The following PTPRT variants were observed in gnomAD, a reference collection of about 807,000 sequenced individuals.
The protein encoded by PTPRT is receptor-type tyrosine-protein phosphatase T.
PTPRT carries 56 observed loss-of-function variants against 176.8 expected under a neutral mutation model. The observed-to-expected ratio is 0.32, with a 90% CI of 0.26 to 0.40. PTPRT has a LOEUF of 0.40. Among genes scored for constraint, PTPRT ranks in the 10% least tolerant of loss-of-function variants. The pLI is 1.00. For missense variants in PTPRT, 1,540 were observed against 1,908.2 expected, an observed-to-expected ratio of 0.81 and a Z score of 3.60; for synonymous variants, 783 against 739.0, an observed-to-expected ratio of 1.06 and a Z score of -0.96.
intron 8 of PTPRT, among the ~76,000 whole-genome samples, chr20:42,453,400 A>C (rs2145868135): frequency 7.1e-6 from 1 of 141,446 alleles, no homozygotes; most frequent in South Asian, 2.3e-4. Flanking sequence ...TATTGTTCAT[A>C]TTGTTTTTGT....
chr20:43,114,796 A>G (rs1388902845), intron 1 of PTPRT, among the ~76,000 whole-genome samples: 1 of 152,172 alleles, frequency 6.6e-6, no homozygotes, highest in East Asian at 1.9e-4. Context: ...TAAAATCCTA[A>G]TAATTCACTA....
chr20:43,124,877 G>A (rs1400886050), intron 1 of PTPRT, among the ~76,000 whole-genome samples: 3 of 152,194 alleles, frequency 2.0e-5, no homozygotes, highest in Admixed American at 6.5e-5. Flanking sequence ...AGACTGGAGT[G>A]TTAGAAAGTC....
At chr20:43,133,747 CAAA>C (rs11366438) in intron 1 of PTPRT, among the ~76,000 whole-genome samples, 49 of 124,852 alleles carry the variant, frequency 3.9e-4, no homozygotes, top group East Asian at 1.6e-3. Context: ...GACTCTGTCT[CAAA>C]AAAAAAAAAA....
the PTPRT span, among the ~76,000 whole-genome samples, chr20:42,063,065 A>G: frequency 2.6e-5 from 4 of 152,222 alleles, no homozygotes; most frequent in Admixed American, 2.0e-4. Context: ...TTGCGTTTCA[A>G]GAGACCTGGA....
At chr20:43,106,315 G>T (rs2146333504) in intron 1 of PTPRT, among the ~76,000 whole-genome samples, 1 of 152,028 alleles carries the variant, frequency 6.6e-6, no homozygotes, top group East Asian at 1.9e-4. Context: ...ATAACAAAAA[G>T]AAAGTAAAGG....
intron 7 of PTPRT, among the ~76,000 whole-genome samples, chr20:42,521,024 C>CCA (rs2072165280): frequency 6.6e-6 from 1 of 151,388 alleles, no homozygotes; most frequent in African/African-American, 2.4e-5. Flanking sequence ...CCTATCTAAT[C>CCA]CATCCATCCA....
rs573324952 is a variant in PTPRT at position 43,034,647 on chromosome 20, T to TA, written c.89-148716dup. Among the ~76,000 whole-genome samples the TA allele has an allele frequency of 9.0e-4, 122 of 136,096 alleles. No individual in the cohort carries two copies. In the Middle Eastern group the frequency reaches 0.014, roughly 16 times the overall value. 89.3% of individuals were successfully genotyped at this position (136,096 alleles called of 152,430 possible). A position where few individuals can be genotyped will look rare whatever the true frequency, so the allele number is the denominator to read the frequency against. On this transcript the variant is annotated intron_variant, in intron 1 of 30. Transcript: ENST00000373187. Reference sequence around the variant, plus strand: ...GCAAAAGTAATTGCAGTTTTTGCCATAAAAACAGCAAAAACTGCAATTACT... The same window carrying TA: ...GCAAAAGTAATTGCAGTTTTTGCCATAAAAAACAGCAAAAACTGCAATTACT...
At chr20:42,493,710 C>T (rs2071600791) in intron 7 of PTPRT, among the ~76,000 whole-genome samples, 1 of 152,038 alleles carries the variant, frequency 6.6e-6, no homozygotes, top group South Asian at 2.1e-4. Flanking sequence ...AAGTGGTGTG[C>T]CTTCTTAACC....
intron 14 of PTPRT, among the ~76,000 whole-genome samples, chr20:42,246,202 T>C (rs1240182894): frequency 6.6e-6 from 1 of 152,120 alleles, no homozygotes; most frequent in African/African-American, 2.4e-5. Context: ...ACACAGAATT[T>C]CGCTTTCCTT....
intron 7 of PTPRT, among the ~76,000 whole-genome samples, chr20:42,510,107 T>C (rs909284591): frequency 2.0e-5 from 3 of 152,134 alleles, no homozygotes; most frequent in African/African-American, 4.8e-5. Context: ...AGGGAGACTG[T>C]CTAGTCTACT....
In PTPRT at chr20:42,358,862, G is replaced by A. The variant is rs66593204; in HGVS notation, c.1561-6577C>T. Among the ~76,000 whole-genome samples the A allele has an allele frequency of 6.9e-3, 1,058 of 152,308 alleles. 11 individuals carry two copies. The highest frequency in any genetic ancestry group is 0.024 in the African/African-American group (981 of 41,564). ...TTCCTTGGTAGTGTGTCTTTGTGCA[G>A]TGCACAAACTAAGCAACAGTAGGTG... On this transcript the variant is annotated intron_variant, in intron 9 of 30. Coordinates refer to ENST00000373187, the MANE Select transcript of PTPRT (RefSeq NM_007050.6).
At chr20:42,134,246 C>T (rs1020274168) in intron 18 of PTPRT, among the ~76,000 whole-genome samples, 5 of 152,276 alleles carry the variant, frequency 3.3e-5, no homozygotes, top group East Asian at 3.9e-4. Context: ...GGCGTTTATA[C>T]GAGGTAATTT....
rs147006844 is a variant in PTPRT at position 42,949,505 on chromosome 20, G to A, written c.89-63573C>T. On this transcript the variant is annotated intron_variant, in intron 1 of 30. Coordinates refer to ENST00000373187, the MANE Select transcript of PTPRT (RefSeq NM_007050.6). ...AGAGCAACCATTCTTGGATATTCCA[G>A]TTCTAGCAAATGCCACTTGAAGAAG... 9.8e-5 allele frequency among the ~76,000 whole-genome samples: 15 copies of A among 152,322 alleles called. 1 individual carries two copies. The South Asian group carries it at 2.1e-3, about 21-fold the overall frequency.
At chr20:42,066,613 T>C in the PTPRT span, among the ~76,000 whole-genome samples, 70 of 152,354 alleles carry the variant, frequency 4.6e-4, no homozygotes, top group African/African-American at 1.6e-3. Context: ...CTCATGAAAC[T>C]ACCTGCTCTT....
At chr20:42,873,526 G>A (rs208188) in intron 2 of PTPRT, among the ~76,000 whole-genome samples, 52,275 of 152,038 alleles carry the variant, frequency 0.34, 10,687 homozygotes, top group African/African-American at 0.58. Flanking sequence ...TGTGAGCCAC[G>A]TATGCAATTC....
chr20:42,373,903 C>T (rs1478513052), intron 9 of PTPRT, among the ~76,000 whole-genome samples: 1 of 152,164 alleles, frequency 6.6e-6, no homozygotes, highest in African/African-American at 2.4e-5. Context: ...GCCAATGAAG[C>T]ACCTCACAGC....
At chr20:42,373,177 C>T (rs2058609244) in intron 9 of PTPRT, among the ~76,000 whole-genome samples, 1 of 152,132 alleles carries the variant, frequency 6.6e-6, no homozygotes, top group South Asian at 2.1e-4. Flanking sequence ...GAAGTACCAC[C>T]CTTCCAACTT....
At chr20:42,420,043 C>T (rs1352964034) in intron 9 of PTPRT, among the ~76,000 whole-genome samples, 3 of 152,092 alleles carry the variant, frequency 2.0e-5, no homozygotes, top group East Asian at 1.9e-4. Flanking sequence ...GCTGACACCT[C>T]GATTTTGATT....
rs1008031511 is a variant in PTPRT at position 42,857,916 on chromosome 20, C to G, written c.214+27891G>C. On this transcript the variant is annotated intron_variant, in intron 2 of 30. Transcript: ENST00000373187. ...TACAATCCCAGGAATGACACCTGCC[C>G]CCTTTTTACTTTTTCTGTTTCTGTT... is the stretch of plus-strand genomic sequence containing the variant. Among the ~76,000 whole-genome samples the G allele has an allele frequency of 5.3e-5, 8 of 151,992 alleles. No individual in the cohort carries two copies. In the East Asian group the frequency reaches 1.5e-3, roughly 29 times the overall value.
Sources: allele counts gnomAD v4.1 joint callset (sites outside exome capture counted in the v4.1 genomes callset), GRCh38; gene constraint gnomAD v4.1.1; transcripts MANE v1.5; gene names NCBI Gene and HGNC (gene_info 2026-07-23, HGNC 2026-07-21).